The following PABPC4L variants were observed in gnomAD, a reference collection of about 807,000 sequenced individuals.
PABPC4L encodes polyadenylate-binding protein 4-like.
For synonymous variants in PABPC4L, 169 were observed against 164.1 expected, an observed-to-expected ratio of 1.03 and a Z score of -0.23; for missense variants, 452 against 451.4, an observed-to-expected ratio of 1.00 and a Z score of -0.01.
At chr4:133,976,625 G>A in the PABPC4L span, among the ~76,000 whole-genome samples, 1 of 152,018 alleles carries the variant, frequency 6.6e-6, no homozygotes, top group Non-Finnish European at 1.5e-5. Context: ...AGCATCTGTT[G>A]TTTCTTGACT....
the PABPC4L span, among the ~76,000 whole-genome samples, chr4:134,001,587 G>A: frequency 6.3e-4 from 96 of 152,140 alleles, 2 homozygotes; most frequent in East Asian, 0.017. Flanking sequence ...AGTTGGGATC[G>A]ATACTATAGT....
chr4:133,954,431 C>T, the PABPC4L span, among the ~76,000 whole-genome samples: 3 of 152,158 alleles, frequency 2.0e-5, no homozygotes, highest in South Asian at 2.1e-4. Context: ...CCTCCTGAGC[C>T]AAACATAGGC....
chr4:134,037,334 T>C, the PABPC4L span, among the ~76,000 whole-genome samples: 1 of 152,108 alleles, frequency 6.6e-6, no homozygotes, highest in Non-Finnish European at 1.5e-5. Flanking sequence ...CAGTGTTTTA[T>C]AGTTCTCCTT....
At chr4:134,051,483 A>C in the PABPC4L span, among the ~76,000 whole-genome samples, 1 of 152,116 alleles carries the variant, frequency 6.6e-6, no homozygotes, top group South Asian at 2.1e-4. Context: ...AATGTGGAGA[A>C]CTCCACTGCC....
the PABPC4L span, among the ~76,000 whole-genome samples, chr4:134,131,332 T>C: frequency 2.6e-5 from 4 of 152,054 alleles, no homozygotes; most frequent in Admixed American, 2.6e-4. Context: ...ATATAGTAAG[T>C]GAGTTCAGCA....
the PABPC4L span, among the ~76,000 whole-genome samples, chr4:134,062,864 C>G: frequency 6.6e-6 from 1 of 151,950 alleles, no homozygotes; most frequent in Non-Finnish European, 1.5e-5. Flanking sequence ...TCTACCAAAA[C>G]TAATATTTAT....
chr4:134,201,141 G>A lies in PABPC4L; in HGVS notation c.-122C>T, dbSNP rs1165293224. The A allele has an allele frequency of 6.5e-7, 1 of 1,549,976 alleles. No homozygotes were observed. The highest frequency in any genetic ancestry group is 2.4e-5 in the East Asian group (1 of 40,872). The stretch of plus-strand genomic sequence containing the variant: ...GGAGGCCTCGGGATCACCACACAAA[G>A]GCCAAGCAATGGAGTTCAGACACGA... On this transcript the variant is annotated 5_prime_UTR_variant, in exon 2 of 2. Coordinates refer to ENST00000421491, the MANE Select transcript of PABPC4L (RefSeq NM_001114734.2).
chr4:134,098,844 G>T, the PABPC4L span, among the ~76,000 whole-genome samples: 5 of 151,726 alleles, frequency 3.3e-5, no homozygotes, highest in Admixed American at 3.3e-4. Context: ...TTAAAGCCAA[G>T]TGAAGATTTT....
the PABPC4L span, among the ~76,000 whole-genome samples, chr4:134,028,390 T>C: frequency 6.6e-6 from 1 of 151,980 alleles, no homozygotes; most frequent in African/African-American, 2.4e-5. Context: ...TCATTTTCTA[T>C]GTGCTCTGCT....
chr4:134,053,745 A>G, the PABPC4L span, among the ~76,000 whole-genome samples: 3 of 152,026 alleles, frequency 2.0e-5, no homozygotes, highest in South Asian at 6.2e-4. Context: ...AAAAGAGAAT[A>G]GATATTTTTT....
chr4:134,003,711 T>C, the PABPC4L span, among the ~76,000 whole-genome samples: 1 of 152,066 alleles, frequency 6.6e-6, no homozygotes, highest in East Asian at 1.9e-4. Context: ...CCAATTATAC[T>C]TGTAACCGTC....
chr4:134,170,670 T>C, the PABPC4L span, among the ~76,000 whole-genome samples: 3,413 of 152,134 alleles, frequency 0.022, 128 homozygotes, highest in African/African-American at 0.078. Flanking sequence ...CTCACTATCA[T>C]GAGAACAGCA....
chr4:134,119,999 G>C, the PABPC4L span, among the ~76,000 whole-genome samples: 27 of 151,612 alleles, frequency 1.8e-4, no homozygotes, highest in African/African-American at 5.8e-4. Context: ...AACATTGATA[G>C]CAATCATTTG....
the PABPC4L span, among the ~76,000 whole-genome samples, chr4:134,009,845 A>G: frequency 6.6e-6 from 1 of 152,098 alleles, no homozygotes; most frequent in South Asian, 2.1e-4. Flanking sequence ...TAATTGTTCT[A>G]TACTAATGTC....
chr4:134,151,369 C>T, the PABPC4L span, among the ~76,000 whole-genome samples: 1 of 152,060 alleles, frequency 6.6e-6, no homozygotes, highest in East Asian at 1.9e-4. Context: ...ACAATTTTCT[C>T]AGCACTTCAT....
At chr4:134,155,661 A>G in the PABPC4L span, among the ~76,000 whole-genome samples, 5 of 152,028 alleles carry the variant, frequency 3.3e-5, no homozygotes, top group Non-Finnish European at 5.9e-5. Context: ...TTATTATGAC[A>G]AGATTAGAAC....
the PABPC4L span, among the ~76,000 whole-genome samples, chr4:134,100,342 A>G: frequency 6.6e-6 from 1 of 151,708 alleles, no homozygotes; most frequent in Non-Finnish European, 1.5e-5. Flanking sequence ...TAAAGTGTCT[A>G]GTATACACCC....
At chr4:134,184,902 T>TA in the PABPC4L span, among the ~76,000 whole-genome samples, 3,957 of 118,078 alleles carry the variant, frequency 0.034, 146 homozygotes, top group African/African-American at 0.14. Context: ...TTTGTAATGA[T>TA]ACTGCACTGT....
At chr4:134,061,196 T>A in the PABPC4L span, among the ~76,000 whole-genome samples, 1 of 152,058 alleles carries the variant, frequency 6.6e-6, no homozygotes, top group East Asian at 1.9e-4. Context: ...AACACATCAA[T>A]ATATACCCCT....
Sources: allele counts gnomAD v4.1 joint callset (sites outside exome capture counted in the v4.1 genomes callset), GRCh38; gene constraint gnomAD v4.1.1; transcripts MANE v1.5; gene names NCBI Gene and HGNC (gene_info 2026-07-23, HGNC 2026-07-21).